MRPS27: variants seen among roughly 807,000 people sequenced by gnomAD.
The protein encoded by MRPS27 is small ribosomal subunit protein mS27.
In MRPS27, 43 loss-of-function variants were observed where a neutral mutation model predicts 48.9. The observed-to-expected ratio is 0.88, with a 90% confidence interval of 0.69 to 1.13. MRPS27 has a LOEUF of 1.13. Among genes scored for constraint, MRPS27 ranks in the 50% most tolerant of loss-of-function variants. MRPS27 has a pLI of 0.00. For synonymous variants in MRPS27, 188 were observed against 171.9 expected, an observed-to-expected ratio of 1.09 and a Z score of -0.73; for missense variants, 467 against 476.3, an observed-to-expected ratio of 0.98 and a Z score of 0.18.
intron 4 of MRPS27, among the ~76,000 whole-genome samples, chr5:72,238,564 G>A (rs930910367): frequency 6.6e-5 from 10 of 152,200 alleles, no homozygotes; most frequent in Non-Finnish European, 1.3e-4. Context: ...TCAGCTTTGA[G>A]TAACAGTGAT....
chr5:72,222,199 G>A (rs1346292254), intron 10 of MRPS27, among the ~76,000 whole-genome samples: 4 of 152,176 alleles, frequency 2.6e-5, no homozygotes, highest in African/African-American at 4.8e-5. Context: ...AATGTAAAAC[G>A]AAAATGATCT....
In MRPS27 at chr5:72,294,674, G is replaced by A. The variant is rs573447076; in HGVS notation, c.281+857C>T. The A allele has an allele frequency of 7.2e-5, 11 of 152,118 alleles. No homozygotes were observed. In the East Asian group the frequency reaches 2.1e-3, roughly 29 times the overall value. The allele number at this position is 152,118 out of a possible 1,614,324, so 9.4% of individuals were successfully genotyped here. A position where few individuals can be genotyped will look rare whatever the true frequency, so the allele number is the denominator to read the frequency against. ...CTGAGTTTTGTGGGTAGTTCACAAT[G>A]GAATTGTTAGCAGCTGTGAGAAAGA... On this transcript the variant is annotated intron_variant, in intron 4 of 10. Coordinates refer to ENST00000261413, the MANE Select transcript of MRPS27 (RefSeq NM_015084.3).
At chr5:72,232,410 G>C (rs1320165315) in intron 7 of MRPS27, 33 bp downstream of exon 7, 1 of 1,545,256 alleles carries the variant, frequency 6.5e-7, no homozygotes, top group East Asian at 2.3e-5. Flanking sequence ...CTTTTCTAAA[G>C]TTCTTAATAC....
intron 4 of MRPS27, among the ~76,000 whole-genome samples, chr5:72,262,041 T>C (rs893910813): frequency 1.3e-5 from 2 of 152,170 alleles, no homozygotes; most frequent in Admixed American, 6.5e-5. Context: ...CCTAAACCCT[T>C]TCTAGTCAGC....
intron 1 of MRPS27, among the ~76,000 whole-genome samples, chr5:72,319,593 G>A (rs1345715569): frequency 6.8e-6 from 1 of 147,356 alleles, no homozygotes; most frequent in Non-Finnish European, 1.5e-5. Flanking sequence ...GCCCAGGCTG[G>A]AGTGTAGTGG....
At chr5:72,262,563 A>T (rs1749010420) in intron 4 of MRPS27, among the ~76,000 whole-genome samples, 1 of 151,762 alleles carries the variant, frequency 6.6e-6, no homozygotes. Context: ...CACCCCATTA[A>T]AGGATAAGCA....
intron 5 of MRPS27, among the ~76,000 whole-genome samples, chr5:72,234,552 A>G (rs1044700454): frequency 2.6e-5 from 4 of 152,142 alleles, no homozygotes; most frequent in Non-Finnish European, 5.9e-5. Context: ...CTTATAAAGT[A>G]TGAATAACAA....
chr5:72,293,975 G>C (rs1011341313), intron 4 of MRPS27, among the ~76,000 whole-genome samples: 2 of 151,990 alleles, frequency 1.3e-5, no homozygotes, highest in African/African-American at 4.8e-5. Context: ...TCTCATCAAG[G>C]GGTTCGTTTA....
At chr5:72,299,815 C>T (rs1207976630) in intron 2 of MRPS27, among the ~76,000 whole-genome samples, 1 of 152,188 alleles carries the variant, frequency 6.6e-6, no homozygotes, top group African/African-American at 2.4e-5. Flanking sequence ...CCTTTTTCCC[C>T]TTCTCCTCAC....
At chr5:72,238,314 A>C (rs1456323582) in intron 4 of MRPS27, among the ~76,000 whole-genome samples, 186 bp from the exon 5 acceptor site, 1 of 151,382 alleles carries the variant, frequency 6.6e-6, no homozygotes, top group Admixed American at 6.5e-5. Flanking sequence ...GGTAAAGAGA[A>C]GGCAAACTAA....
intron 10 of MRPS27, 106 bp from the exon 11 acceptor site, chr5:72,221,254 G>A: frequency 1.4e-6 from 2 of 1,388,102 alleles, no homozygotes; most frequent in Non-Finnish European, 2.0e-6. Flanking sequence ...TTGAACAAAA[G>A]TTTGCTGACT....
chr5:72,279,521 C>T (rs1361219325), intron 4 of MRPS27, among the ~76,000 whole-genome samples: 3 of 151,920 alleles, frequency 2.0e-5, no homozygotes, highest in African/African-American at 4.8e-5. Flanking sequence ...ATTTAGGAGG[C>T]GAAGATGGGA....
In MRPS27 at chr5:72,252,270, C is replaced by A. The variant is rs1748687175; in HGVS notation, c.282-14142G>T. Among the ~76,000 whole-genome samples, 3 of 152,204 alleles carry A rather than the reference C, an allele frequency of 2.0e-5. 1 individual carries two copies. The South Asian group carries it at 6.2e-4, about 32-fold the overall frequency. ...GTCTAATTTATCAGCAATACTTGTA[C>A]CATAAGTATATTTCTCTGAATGAAT... On this transcript the variant is annotated intron_variant, in intron 4 of 10. Coordinates refer to ENST00000261413, the MANE Select transcript of MRPS27 (RefSeq NM_015084.3).
At chr5:72,223,638 G>A (rs768620494) in intron 10 of MRPS27, 45 bp downstream of exon 10, 1 of 1,602,886 alleles carries the variant, frequency 6.2e-7, no homozygotes, top group Non-Finnish European at 8.5e-7. Context: ...GGAGAGAAGT[G>A]TGTTTTATGC....
Position 72,221,038 on chromosome 5 carries a change from G to C in MRPS27, c.1116C>G (p.Ile372Met), listed in dbSNP as rs369816290. ...GCTGCAGATTCTGCTCATAGGTGGC[G>C]ATGTCCTCTGCTTCACAGGTGGAGA... Reference protein sequence around the residue: ...EKLSTCEAEDIATYEQNLQQW... With the variant: ...EKLSTCEAEDMATYEQNLQQW... Residue 372 changes from isoleucine (I) to methionine (M), a missense_variant, in exon 11 of 11, where the codon ATC (isoleucine) becomes ATG (methionine). Physicochemically the swap from Ile to Met is conservative, Grantham distance 10. Transcript: ENST00000261413. 3.9e-5 allele frequency: 63 copies of C among 1,614,164 alleles called. No homozygotes were observed. The highest frequency in any genetic ancestry group is 4.7e-5 in the Non-Finnish European group (56 of 1,180,030).
chr5:72,300,560 T>C (rs930605095), intron 2 of MRPS27, among the ~76,000 whole-genome samples: 1 of 152,234 alleles, frequency 6.6e-6, no homozygotes, highest in East Asian at 1.9e-4. Context: ...CAATATGCTT[T>C]TCCTATCTCA....
At chr5:72,232,682 T>C in intron 6 of MRPS27, 124 bp from the exon 7 acceptor site, 1 of 656,210 alleles carries the variant, frequency 1.5e-6, no homozygotes, top group Non-Finnish European at 2.6e-6. Context: ...AATTAAGAAG[T>C]AAAATATGCG....
At chr5:72,282,875 CTT>C (rs1455252679) in intron 4 of MRPS27, among the ~76,000 whole-genome samples, 1 of 152,276 alleles carries the variant, frequency 6.6e-6, no homozygotes, top group East Asian at 1.9e-4. Context: ...ATCTTCTACC[CTT>C]TCTGTTGTTT....
rs568953938 is a variant in MRPS27, at chr5:72,278,419, G to A, written c.281+17112C>T. ...GATCGCGCCACTGCACTCCAGCCTG[G>A]GTGACAGAGCGACTCTCCATCTCAA... On this transcript the variant is annotated intron_variant, in intron 4 of 10. Coordinates refer to ENST00000261413, the MANE Select transcript of MRPS27 (RefSeq NM_015084.3). 1.3e-3 allele frequency among the ~76,000 whole-genome samples: 196 copies of A among 149,332 alleles called. 1 individual carries two copies. The highest frequency in any genetic ancestry group is 4.5e-3 in the African/African-American group (182 of 40,174).
Sources: allele counts gnomAD v4.1 joint callset (sites outside exome capture counted in the v4.1 genomes callset), GRCh38; gene constraint gnomAD v4.1.1; transcripts MANE v1.5; gene names NCBI Gene and HGNC (gene_info 2026-07-23, HGNC 2026-07-21).